The following CYP4Z1 variants were observed in gnomAD, a reference collection of about 807,000 sequenced individuals.
CYP4Z1 encodes the protein cytochrome P450 family 4 subfamily Z member 1, also known as cytochrome P450 4Z1.
CYP4Z1 carries 41 observed loss-of-function variants against 54.2 expected under a neutral mutation model. That is an observed-to-expected ratio of 0.76 (90% CI 0.59 to 0.98). CYP4Z1 has a LOEUF of 0.98. CYP4Z1 is among the 50% of genes least tolerant of loss of function. CYP4Z1 has a pLI of 0.00. For missense variants in CYP4Z1, 513 were observed against 599.0 expected, an observed-to-expected ratio of 0.86 and a Z score of 1.50; for synonymous variants, 163 against 206.2, an observed-to-expected ratio of 0.79 and a Z score of 1.79.
chr1:47,086,253 C>T (rs949331448), intron 6 of CYP4Z1, among the ~76,000 whole-genome samples: 5 of 152,126 alleles, frequency 3.3e-5, no homozygotes, highest in African/African-American at 1.2e-4. Flanking sequence ...CTTCTAGATC[C>T]TTGAGGAATC....
At chr1:47,111,790 G>C (rs1644793593) in intron 9 of CYP4Z1, among the ~76,000 whole-genome samples, 5 of 152,082 alleles carry the variant, frequency 3.3e-5, no homozygotes, top group Admixed American at 3.3e-4. Context: ...TTCTTTAAAT[G>C]AAGACAATAA....
chr1:47,094,991 A>G (rs921233258), intron 7 of CYP4Z1, among the ~76,000 whole-genome samples: 2 of 151,908 alleles, frequency 1.3e-5, no homozygotes, highest in African/African-American at 4.9e-5. Flanking sequence ...AAATTAAAAT[A>G]ACAAATAAAT....
At chr1:47,057,112 CTGG>C in the CYP4Z1 span, among the ~76,000 whole-genome samples, 1 of 151,458 alleles carries the variant, frequency 6.6e-6, no homozygotes, top group South Asian at 2.1e-4. Flanking sequence ...TAGGGCAGGT[CTGG>C]TGGTGACAAA....
intron 4 of CYP4Z1, among the ~76,000 whole-genome samples, chr1:47,084,133 CT>C (rs1001572680): frequency 2.0e-5 from 3 of 152,066 alleles, no homozygotes; most frequent in African/African-American, 7.2e-5. Flanking sequence ...GGTTTTCTGT[CT>C]TGACTCTTAA....
At chr1:47,104,466 G>T (rs1287823027) in intron 8 of CYP4Z1, among the ~76,000 whole-genome samples, 1 of 152,150 alleles carries the variant, frequency 6.6e-6, no homozygotes, top group Non-Finnish European at 1.5e-5. Context: ...GGCAGTGGTG[G>T]GTCAGGTAGG....
rs1274504569 is a variant in CYP4Z1, at chr1:47,067,652, C to A, written c.162C>A (p.Phe54Leu). The change falls in exon 1 of 12, where the codon TTC becomes TTA. Residue 54 changes from phenylalanine (F) to leucine (L), a missense_variant. Phe to Leu is a conservative substitution (Grantham distance 22). Coordinates refer to ENST00000334194, the MANE Select transcript of CYP4Z1 (RefSeq NM_178134.3). Reference sequence around the variant, plus strand: ...TTCCTGCACCCCCTGCCCACTGGTTCTATGGCCACAAGGAGGTAAGAGGAG... The same window carrying A: ...TTCCTGCACCCCCTGCCCACTGGTTATATGGCCACAAGGAGGTAAGAGGAG... ...HLFPAPPAHWFYGHKEFYPVK... is the reference protein window; with the variant it reads ...HLFPAPPAHWLYGHKEFYPVK... 1 of 1,606,596 alleles carries A rather than the reference C, an allele frequency of 6.2e-7. No homozygotes were observed. The highest frequency in any genetic ancestry group is 2.2e-5 in the East Asian group (1 of 44,724).
the CYP4Z1 span, among the ~76,000 whole-genome samples, chr1:47,057,358 A>G: frequency 1.8e-5 from 2 of 109,302 alleles, no homozygotes; most frequent in South Asian, 2.9e-4. Flanking sequence ...ATATATATAT[A>G]TATATATATA....
intron 1 of CYP4Z1, 52 bp downstream of exon 1, chr1:47,067,719 TA>T (rs573070846): frequency 5.8e-5 from 85 of 1,466,430 alleles, no homozygotes; most frequent in South Asian, 1.3e-4. Flanking sequence ...GATGAGGTAT[TA>T]AAAAAAAACA....
At chr1:47,106,054 A>T in intron 8 of CYP4Z1, 74 bp from the exon 9 acceptor site, 1 of 1,522,918 alleles carries the variant, frequency 6.6e-7, no homozygotes, top group Non-Finnish European at 8.8e-7. Flanking sequence ...ACAAAAATGG[A>T]GAAAAGCTGG....
chr1:47,099,207 G>C lies in CYP4Z1; in HGVS notation c.990G>C (p.Leu330Phe), dbSNP rs1333431048. 13 of 1,613,818 alleles carry C rather than the reference G, an allele frequency of 8.1e-6. No homozygotes were observed. Among genetic ancestry groups the C allele is most frequent in the Admixed American group, 3.3e-5 (2 of 59,982 alleles). ...CTATCTCCTGGATCCTTTACTGCTTGGCAAAGTACCCTGAGCATCAGCAGA... is the reference window on the plus strand; with the variant it reads ...CTATCTCCTGGATCCTTTACTGCTTCGCAAAGTACCCTGAGCATCAGCAGA... ...SSAISWILYC[L>F]AKYPEHQQRC... Residue 330 changes from leucine to phenylalanine, a missense_variant, in exon 8 of 12, where the codon TTG becomes TTC. Coordinates refer to ENST00000334194, the MANE Select transcript of CYP4Z1 (RefSeq NM_178134.3).
intron 7 of CYP4Z1, among the ~76,000 whole-genome samples, chr1:47,098,080 G>A (rs1234313090): frequency 6.6e-6 from 1 of 152,142 alleles, no homozygotes; most frequent in African/African-American, 2.4e-5. Flanking sequence ...GCCTTCCAAA[G>A]TGCTGGGATT....
At chr1:47,115,744 C>T (rs562755279) in intron 10 of CYP4Z1, 151 bp downstream of exon 10, 46 of 727,064 alleles carry the variant, frequency 6.3e-5, no homozygotes, top group South Asian at 6.0e-4. Flanking sequence ...TAAGAGAAAA[C>T]TACATTTGCA....
intron 6 of CYP4Z1, among the ~76,000 whole-genome samples, chr1:47,088,754 C>T (rs1644616244): frequency 7.3e-6 from 1 of 137,252 alleles, no homozygotes; most frequent in African/African-American, 2.9e-5. Flanking sequence ...GCAGCTGGGA[C>T]TACAGGTGTG....
chr1:47,111,375 G>T (rs150096109), intron 9 of CYP4Z1, among the ~76,000 whole-genome samples: 1 of 152,112 alleles, frequency 6.6e-6, no homozygotes, highest in Non-Finnish European at 1.5e-5. Flanking sequence ...AGTGGAGACG[G>T]GGTTTCACCG....
intron 9 of CYP4Z1, among the ~76,000 whole-genome samples, chr1:47,112,362 T>C (rs916758634): frequency 2.0e-5 from 3 of 152,130 alleles, no homozygotes; most frequent in Non-Finnish European, 2.9e-5. Flanking sequence ...TAGAGAAAAA[T>C]TGTAGAGCCC....
At chr1:47,112,316 A>T (rs936783365) in intron 9 of CYP4Z1, among the ~76,000 whole-genome samples, 3 of 152,212 alleles carry the variant, frequency 2.0e-5, no homozygotes, top group African/African-American at 7.2e-5. Flanking sequence ...ATGCTGGTAG[A>T]GATAAATAGT....
At chr1:47,058,624 C>T in the CYP4Z1 span, among the ~76,000 whole-genome samples, 54 of 152,206 alleles carry the variant, frequency 3.5e-4, 1 homozygote, top group African/African-American at 1.2e-3. Context: ...AATGTGGACT[C>T]GCATTTCTTC....
At position 47,082,378 on chromosome 1, in the gene CYP4Z1, C is replaced by T. The variant is rs146576339; in HGVS notation, c.409C>T (p.Arg137Cys). The change falls in exon 4 of 12, where the codon CGC (arginine) becomes TGC (cysteine). Residue 137 changes from arginine (R) to cysteine (C), a missense_variant. By Grantham distance (180) the Arg-to-Cys change is radical (BLOSUM62 -3). Coordinates refer to ENST00000334194, the MANE Select transcript of CYP4Z1 (RefSeq NM_178134.3). ...TLDGSKWKKHRQIVKPGFNIS... is the reference protein window; with the variant it reads ...TLDGSKWKKHCQIVKPGFNIS... ...GGATGGTTCTAAATGGAAAAAGCACCGCCAGATTGTGAAACCTGGCTTCAA... is the reference window on the plus strand; with the variant it reads ...GGATGGTTCTAAATGGAAAAAGCACTGCCAGATTGTGAAACCTGGCTTCAA... The T allele has an allele frequency of 1.2e-4, 200 of 1,613,122 alleles. 1 individual carries two copies. The African/African-American group carries it at 2.3e-3, about 19-fold the overall frequency.
At position 47,117,799 on chromosome 1, in the gene CYP4Z1, G is replaced by C. The variant is rs1166994764; in HGVS notation, c.1383G>C (p.Glu461Asp). The C allele has an allele frequency of 6.2e-7, 1 of 1,613,590 alleles. No individual in the cohort carries two copies. Among genetic ancestry groups the C allele is most frequent in the South Asian group, 1.1e-5 (1 of 91,028 alleles). ...TTGGGCAGCATTTTGCCATAATTGA[G>C]TGTAAAGTGGCAGTGGCATTAACTC... ...NCIGQHFAIIECKVAVALTLL... is the reference protein window; with the variant it reads ...NCIGQHFAIIDCKVAVALTLL... Residue 461 changes from glutamate (E) to aspartate (D), a missense_variant, in exon 12 of 12, where the codon GAG becomes GAC. Transcript: ENST00000334194.
Sources: allele counts gnomAD v4.1 joint callset (sites outside exome capture counted in the v4.1 genomes callset), GRCh38; gene constraint gnomAD v4.1.1; transcripts MANE v1.5; gene names NCBI Gene and HGNC (gene_info 2026-07-23, HGNC 2026-07-21).